The following DIP2C variants were observed in gnomAD, a reference collection of about 807,000 sequenced individuals.
DIP2C encodes DIP2 acetate--CoA ligase C (putative).
A neutral mutation model predicts 192.4 loss-of-function variants in DIP2C; 33 were observed. The observed-to-expected ratio is 0.17, with a 90% CI of 0.13 to 0.23. The LOEUF (loss-of-function observed/expected upper bound fraction) is 0.23, where lower values mean the gene tolerates loss of function less well. Ranked by LOEUF, DIP2C falls within the 10% of genes least tolerant of loss-of-function variation. The probability of loss-of-function intolerance (pLI) is 1.00; values close to 1 mark genes in which losing one functional copy is unlikely to be tolerated. For synonymous variants in DIP2C, 979 were observed against 864.1 expected (o/e 1.13, Z -2.33); for missense variants, 1,537 against 2,110.1 (o/e 0.73, Z 5.32).
In DIP2C at chr10:602,988, T is replaced by C. The variant is rs988181644; in HGVS notation, c.85+86506A>G. On this transcript the variant is annotated intron_variant, in intron 1 of 36. Transcript: ENST00000280886. ...GGCAAGAGTGCTGGGTGATTAACAA[T>C]TGTTAGCTCCATAGAAATTAGGCAA... 5.3e-5 allele frequency among the ~76,000 whole-genome samples: 8 copies of C among 151,950 alleles called. No homozygotes were observed. In the East Asian group the frequency reaches 1.5e-3, roughly 29 times the overall value.
rs530477022 is a variant in DIP2C, at chr10:493,549, G to A, written c.86-7019C>T. 7.2e-5 allele frequency among the ~76,000 whole-genome samples: 11 copies of A among 152,260 alleles called. 1 individual carries two copies. The highest frequency in any genetic ancestry group is 3.4e-3 in the Middle Eastern group (1 of 294). ...GACGTGTAGAAGAATACCCAGCATG[G>A]CCCGCCGCCTGCTGTGGGCTCTTCT... On this transcript the variant is annotated intron_variant, in intron 1 of 36. Transcript: ENST00000280886.
intron 29 of DIP2C, among the ~76,000 whole-genome samples, chr10:336,291 T>G (rs1012227514): frequency 6.6e-6 from 1 of 152,184 alleles, no homozygotes; most frequent in South Asian, 2.1e-4. Context: ...GGTGGTCTCA[T>G]GAGCCTGTAA....
rs182330758 is a variant in DIP2C, at chr10:287,327, T to C, written c.4045-980A>G. Among the ~76,000 whole-genome samples, 3 of 152,338 alleles carry C rather than the reference T, an allele frequency of 2.0e-5. No homozygotes were observed. In the East Asian group the frequency reaches 5.8e-4, roughly 29 times the overall value. On this transcript the variant is annotated intron_variant, in intron 33 of 36. Coordinates refer to ENST00000280886, the MANE Select transcript of DIP2C (RefSeq NM_014974.3). ...ACTTATATAAGGAATCAAAGGTTTA[T>C]TCTGGAAATCCTGAATATAGCCTGC... is the stretch of plus-strand genomic sequence containing the variant.
rs139773735 is a variant in DIP2C, at chr10:281,247, G to A, written c.4371C>T (p.Ile1457=). ...MELRGMRYHP[I]DIETSVIRAH... ...CTCTGATGACCGAGGTCTCAATGTC[G>A]ATTGGGTGGTACCGCATGCCCCGCA... is the stretch of plus-strand genomic sequence containing the variant. The change falls in exon 36 of 37, where the codon ATC becomes ATT. Residue 1457 remains isoleucine, a synonymous_variant. Coordinates refer to ENST00000280886, the MANE Select transcript of DIP2C (RefSeq NM_014974.3). 45 of 1,614,144 alleles carry A rather than the reference G, an allele frequency of 2.8e-5. No homozygotes were observed. In the African/African-American group the frequency reaches 3.3e-4, roughly 12 times the overall value.
chr10:401,442 TA>T (rs548883463), intron 9 of DIP2C, among the ~76,000 whole-genome samples: 8 of 151,450 alleles, frequency 5.3e-5, no homozygotes, highest in African/African-American at 1.9e-4. Context: ...GTGGTAGCAT[TA>T]GCGTTACTAT....
intron 31 of DIP2C, among the ~76,000 whole-genome samples, chr10:326,340 T>A (rs2132437459): frequency 6.6e-6 from 1 of 152,112 alleles, no homozygotes; most frequent in Non-Finnish European, 1.5e-5. Context: ...CTTCGGAGGC[T>A]CACCCAGCAG....
chr10:592,159 G>T (rs527368991), intron 1 of DIP2C, among the ~76,000 whole-genome samples: 1 of 151,644 alleles, frequency 6.6e-6, no homozygotes, highest in Non-Finnish European at 1.5e-5. Flanking sequence ...CTGCTAATTA[G>T]GAAGCATATT....
chr10:293,540 G>A (rs1283741579), intron 32 of DIP2C, among the ~76,000 whole-genome samples: 1 of 152,090 alleles, frequency 6.6e-6, no homozygotes, highest in Non-Finnish European at 1.5e-5. Context: ...AAAGATAGAG[G>A]GGAAATTAAA....
Position 422,805 on chromosome 10 carries a change from CA to C in DIP2C, c.604+18del, listed in dbSNP as rs1309718999. The stretch of plus-strand genomic sequence containing the variant: ...CGTTTACACAACAGGCACAGAAAGA[CA>C]CCGTGAAGCGTGCTCACCTATGTGG... On this transcript the variant is annotated intron_variant, in intron 5 of 36. Transcript: ENST00000280886. The C allele has an allele frequency of 6.2e-7, 1 of 1,603,842 alleles. No individual in the cohort carries two copies. The highest frequency in any genetic ancestry group is 1.7e-5 in the Admixed American group (1 of 59,130).
Position 349,422 on chromosome 10 carries a change from C to A in DIP2C, c.3018G>T (p.Gln1006His), listed in dbSNP as rs1288791427. Reference sequence around the variant, plus strand: ...CGATCTTCTCAGCTCTCTTGTGCAGCTGCACGCAGGTCAGCGAGTTCGCTA... The same window carrying A: ...CGATCTTCTCAGCTCTCTTGTGCAGATGCACGCAGGTCAGCGAGTTCGCTA... ...GAIANSLTCV[Q>H]LHKRAEKIAV... Residue 1006 changes from glutamine to histidine, a missense_variant, in exon 25 of 37, where the codon CAG becomes CAT. Physicochemically the swap from Gln to His is conservative, Grantham distance 24. Coordinates refer to ENST00000280886, the MANE Select transcript of DIP2C (RefSeq NM_014974.3). The A allele has an allele frequency of 1.2e-6, 2 of 1,610,162 alleles. No individual in the cohort carries two copies. The highest frequency in any genetic ancestry group is 1.7e-6 in the Non-Finnish European group (2 of 1,179,154).
At chr10:319,312 C>G (rs1239792574) in intron 31 of DIP2C, among the ~76,000 whole-genome samples, 1 of 152,208 alleles carries the variant, frequency 6.6e-6, no homozygotes, top group Non-Finnish European at 1.5e-5. Flanking sequence ...GCAATAGTTA[C>G]TGTTGATTTA....
chr10:415,912 G>A (rs746987214), intron 6 of DIP2C, 24 bp from the exon 7 acceptor site: 11 of 1,613,242 alleles, frequency 6.8e-6, no homozygotes, highest in East Asian at 2.2e-5. Flanking sequence ...ATCAGCGGGT[G>A]GGGAAAGCGA....
chr10:325,928 T>TC (rs1307171959), intron 31 of DIP2C, among the ~76,000 whole-genome samples: 1 of 152,092 alleles, frequency 6.6e-6, no homozygotes, highest in African/African-American at 2.4e-5. Flanking sequence ...ACGTCTGTAA[T>TC]CCCAGCACTT....
intron 32 of DIP2C, among the ~76,000 whole-genome samples, chr10:295,984 A>T (rs189273366): frequency 4.6e-5 from 7 of 152,216 alleles, no homozygotes; most frequent in Admixed American, 2.0e-4. Flanking sequence ...TCTTTCTTGT[A>T]AATTTGTTTA....
intron 4 of DIP2C, among the ~76,000 whole-genome samples, chr10:425,514 C>G (rs112069886): frequency 0.013 from 1,731 of 134,202 alleles, 57 homozygotes; most frequent in African/African-American, 0.044. Context: ...ACTAATATGA[C>G]ACAGATGATA....
rs1289056024 is a variant in DIP2C, at chr10:666,268, G to GA, written c.85+23225dup. On this transcript the variant is annotated intron_variant, in intron 1 of 36. Coordinates refer to ENST00000280886, the MANE Select transcript of DIP2C (RefSeq NM_014974.3). This position sits in a 1 kb window ranked among gnomAD's most constrained non-coding sequence, Gnocchi z 4.1. ...GCAAAGGGCATCACTCCCTACCCAC[G>GA]AAAGACTCACAACATCCCTGGAAAA... The GA allele has an allele frequency of 2.0e-5, 3 of 152,390 alleles. No homozygotes were observed. Among genetic ancestry groups the GA allele is most frequent in the South Asian group, 2.1e-4 (1 of 4,824 alleles). The allele number at this position is 152,390 out of a possible 1,614,324, so 9.4% of individuals were successfully genotyped here. A position where few individuals can be genotyped will look rare whatever the true frequency, so the allele number is the denominator to read the frequency against.
chr10:390,419 C>A (rs375810595), intron 11 of DIP2C, 46 bp from the exon 12 acceptor site: 2 of 1,571,664 alleles, frequency 1.3e-6, no homozygotes, highest in African/African-American at 1.4e-5. Context: ...CTCTGAAAGT[C>A]GGTCTGTAGA....
At chr10:340,265 T>C (rs550941536) in intron 29 of DIP2C, among the ~76,000 whole-genome samples, 1 of 152,144 alleles carries the variant, frequency 6.6e-6, no homozygotes, top group East Asian at 1.9e-4. Flanking sequence ...TTTATAAATA[T>C]ATTAACATAT....
In DIP2C at chr10:334,161, G is replaced by C. The variant is rs139163190; in HGVS notation, c.3585-4560C>G. Among the ~76,000 whole-genome samples the C allele has an allele frequency of 7.4e-3, 1,122 of 152,038 alleles. 11 individuals carry two copies. Among genetic ancestry groups the C allele is most frequent in the African/African-American group, 0.026 (1,081 of 41,464 alleles). On this transcript the variant is annotated intron_variant, in intron 29 of 36. Coordinates refer to ENST00000280886, the MANE Select transcript of DIP2C (RefSeq NM_014974.3). ...CTCTACTAAAAATACAAAAAAAATAGCCAGGTGTGGTGGTGCATGCCTGTA... is the reference window on the plus strand; with the variant it reads ...CTCTACTAAAAATACAAAAAAAATACCCAGGTGTGGTGGTGCATGCCTGTA...
Sources: gnomAD v4.1 joint callset for allele counts (sites outside exome capture counted in the v4.1 genomes callset) on GRCh38, gnomAD v4.1.1 for gene constraint, Gnocchi (gnomAD v3.1) non-coding constraint, MANE v1.5 for transcripts, NCBI Gene and HGNC (gene_info 2026-07-23, HGNC 2026-07-21) for gene names.